The following CACNA1I variants were observed in gnomAD, a reference collection of about 807,000 sequenced individuals.
CACNA1I encodes the protein voltage-dependent T-type calcium channel subunit alpha-1I.
In CACNA1I, 74 loss-of-function variants were observed where a neutral mutation model predicts 201.6. The ratio of observed to expected loss-of-function variants is 0.37; its 90% CI spans 0.30 to 0.45. The LOEUF is 0.45. Among genes scored for constraint, CACNA1I ranks in the 20% least tolerant of loss-of-function variants. The probability of loss-of-function intolerance (pLI) is 1.00; values close to 1 mark genes in which losing one functional copy is unlikely to be tolerated. For missense variants in CACNA1I, 2,346 were observed against 3,138.1 expected (o/e 0.75, Z 6.03); for synonymous variants, 1,431 against 1,345.2 (o/e 1.06, Z -1.40).
In CACNA1I at chr22:39,659,322, TG is replaced by T. The variant is rs1320961914; in HGVS notation, c.2331-110del. 2.7e-5 allele frequency: 25 copies of T among 939,854 alleles called. No individual in the cohort carries two copies. In the African/African-American group the frequency reaches 3.7e-4, roughly 14 times the overall value. 58.2% of individuals were successfully genotyped at this position (939,854 alleles called of 1,614,324 possible). ...CATCTCTGTAAAATGGGACCAACGCTGCCCCGCCTCCCCCTGCCCTGCATTT... is the reference window on the plus strand; with the variant it reads ...CATCTCTGTAAAATGGGACCAACGCTCCCCGCCTCCCCCTGCCCTGCATTT... On this transcript the variant is annotated intron_variant, in intron 12 of 36. Transcript: ENST00000402142. The surrounding 1 kb of genome is among the most constrained non-coding windows in gnomAD (Gnocchi z 4.3).
rs1441851351 is a variant in CACNA1I, at chr22:39,662,361, A to G, written c.3298A>G (p.Ser1100Gly). 4.7e-6 allele frequency: 7 copies of G among 1,485,082 alleles called. No individual in the cohort carries two copies. The highest frequency in any genetic ancestry group is 6.2e-6 in the Non-Finnish European group (7 of 1,125,330). 92.0% of individuals were successfully genotyped at this position (1,485,082 alleles called of 1,614,324 possible). The change falls in exon 17 of 37, where the codon AGC becomes GGC. Residue 1100 changes from serine to glycine, a missense_variant. Transcript: ENST00000402142. ...GHEDCNGRMP[S>G]IAKDVFTKMG... is the part of the protein sequence containing the mutation. Reference sequence around the variant, plus strand: ...TGAGGACTGCAATGGCAGGATGCCCAGCATCGCCAAAGACGTCTTCACCAA... The same window carrying G: ...TGAGGACTGCAATGGCAGGATGCCCGGCATCGCCAAAGACGTCTTCACCAA...
At chr22:39,571,406 G>GA (rs1569041405) in intron 1 of CACNA1I, among the ~76,000 whole-genome samples, 1 of 151,896 alleles carries the variant, frequency 6.6e-6, no homozygotes, top group Admixed American at 6.6e-5. Flanking sequence ...CAACACACAG[G>GA]GCAGGACTCA....
chr22:39,647,494 C>T (rs1033595660), intron 8 of CACNA1I, among the ~76,000 whole-genome samples: 8 of 152,244 alleles, frequency 5.3e-5, no homozygotes, highest in African/African-American at 1.9e-4. Context: ...TTACTGCAAC[C>T]TCAAACTCCT....
intron 3 of CACNA1I, among the ~76,000 whole-genome samples, chr22:39,601,994 TTCCTTCCCTCCTTCCTTCCTTCCC>T (rs1569056837): frequency 1.9e-4 from 2 of 10,362 alleles, no homozygotes. Context: ...CCTTCCTTCC[TTCCTTCCCTCCTTCCTTCCTTCCC>T]TCCTTCCTTC....
chr22:39,657,813 G>A (rs1934871552), intron 10 of CACNA1I, among the ~76,000 whole-genome samples: 1 of 152,240 alleles, frequency 6.6e-6, no homozygotes. Context: ...TCTTAGCCGT[G>A]TGACCTCAGG....
At chr22:39,608,123 A>C (rs2146379314) in intron 3 of CACNA1I, among the ~76,000 whole-genome samples, 2 of 151,558 alleles carry the variant, frequency 1.3e-5, no homozygotes, top group East Asian at 3.9e-4. Flanking sequence ...CTCCAAAAAA[A>C]AAAAAAAAAA....
In CACNA1I at chr22:39,598,239, T is replaced by TCCGA; in HGVS notation, c.329_332dup (p.Cys112ProfsTer9). Reference sequence around the variant, plus strand: ...GCCGTGCGACGACATGGACTGCCTGTCCGACCGCTGCAAGATCCTGCAGGT... The same window carrying TCCGA: ...GCCGTGCGACGACATGGACTGCCTGTCCGACCGACCGCTGCAAGATCCTGCAGGT... On this transcript the variant is annotated frameshift_variant, in exon 2 of 37. Coordinates refer to ENST00000402142, the MANE Select transcript of CACNA1I (RefSeq NM_021096.4). LOFTEE classifies it high-confidence loss of function. 1 of 1,601,658 alleles carries TCCGA rather than the reference T, an allele frequency of 6.2e-7. No individual in the cohort carries two copies. The highest frequency in any genetic ancestry group is 8.5e-7 in the Non-Finnish European group (1 of 1,174,968).
rs1935149738 is a variant in CACNA1I at position 39,665,221 on chromosome 22, G to A, written c.3852-277G>A. Among the ~76,000 whole-genome samples, 1 of 152,170 alleles carries A rather than the reference G, an allele frequency of 6.6e-6. No homozygotes were observed. The highest frequency in any genetic ancestry group is 2.4e-5 in the African/African-American group (1 of 41,436). ...GACCAGGGTGTGGTGTGGACCCCGAGGAGCTGGGCACAGTGAGGGGTGAGG... is the reference window on the plus strand; with the variant it reads ...GACCAGGGTGTGGTGTGGACCCCGAAGAGCTGGGCACAGTGAGGGGTGAGG... On this transcript the variant is annotated intron_variant, in intron 21 of 36. Transcript: ENST00000402142. This position sits in a 1 kb window ranked among gnomAD's most constrained non-coding sequence, Gnocchi z 5.5.
Position 39,678,045 on chromosome 22 carries a change from C to T in CACNA1I, c.4992C>T (p.Phe1664=), listed in dbSNP as rs751496987. 50 of 1,607,056 alleles carry T rather than the reference C, an allele frequency of 3.1e-5. No individual in the cohort carries two copies. In the Middle Eastern group the frequency reaches 1.6e-3, roughly 53 times the overall value. ...GCCGGCATGCCACCTTCGAGAACTT[C>T]GGCATGGCCTTCCTCACACTCTTCC... ...GMSRHATFEN[F]GMAFLTLFQV... The change falls in exon 31 of 37, where the codon TTC becomes TTT. Residue 1664 remains phenylalanine, a synonymous_variant. Coordinates refer to ENST00000402142, the MANE Select transcript of CACNA1I (RefSeq NM_021096.4).
At chr22:39,668,471 A>G in intron 24 of CACNA1I, 90 bp downstream of exon 24, 2 of 788,574 alleles carry the variant, frequency 2.5e-6, no homozygotes, top group Non-Finnish European at 4.4e-6. Context: ...AACTGGTGCC[A>G]ATGAGTTCCA....
intron 3 of CACNA1I, among the ~76,000 whole-genome samples, chr22:39,614,374 G>C (rs922338195): frequency 6.6e-6 from 1 of 152,228 alleles, no homozygotes; most frequent in Non-Finnish European, 1.5e-5. Flanking sequence ...GGGGAGAGCA[G>C]AGGGTAGGTC....
chr22:39,598,090 G>A (rs1234865882), intron 1 of CACNA1I, 61 bp from the exon 2 acceptor site: 2 of 951,316 alleles, frequency 2.1e-6, no homozygotes, highest in East Asian at 5.2e-5. Flanking sequence ...TACACTCTAG[G>A]GTGCACCCCA....
intron 1 of CACNA1I, among the ~76,000 whole-genome samples, chr22:39,593,139 C>G (rs1932841591): frequency 6.6e-6 from 1 of 152,188 alleles, no homozygotes; most frequent in African/African-American, 2.4e-5. Flanking sequence ...CTGCGGGGAC[C>G]CAGTGCAGTG....
In CACNA1I at chr22:39,686,266, C is replaced by T; in HGVS notation, c.6533C>T (p.Pro2178Leu). ...AALAHGLARS[P>L]SWAADRSKDP... ...CTGGCCCACGGCCTGGCCCGGAGCCCCTCGTGGGCCGCGGACCGCAGCAAG... is the reference window on the plus strand; with the variant it reads ...CTGGCCCACGGCCTGGCCCGGAGCCTCTCGTGGGCCGCGGACCGCAGCAAG... The change falls in exon 37 of 37, where the codon CCC (proline) becomes CTC (leucine). Residue 2178 changes from proline to leucine, a missense_variant. Transcript: ENST00000402142. The T allele has an allele frequency of 7.7e-7, 1 of 1,295,378 alleles. No homozygotes were observed. Among genetic ancestry groups the T allele is most frequent in the Non-Finnish European group, 9.8e-7 (1 of 1,019,754 alleles). 80.2% of individuals were successfully genotyped at this position (1,295,378 alleles called of 1,614,324 possible).
chr22:39,672,905 T>A (rs372658627), intron 27 of CACNA1I, 44 bp from the exon 28 acceptor site: 1 of 1,581,186 alleles, frequency 6.3e-7, no homozygotes, highest in African/African-American at 1.3e-5. Flanking sequence ...ACCAGAGGGA[T>A]CCTCCTCATG....
chr22:39,662,318 A>G lies in CACNA1I; in HGVS notation c.3255A>G (p.Ala1085=), dbSNP rs1601510712. 1 of 1,479,608 alleles carries G rather than the reference A, an allele frequency of 6.8e-7. No homozygotes were observed. The highest frequency in any genetic ancestry group is 1.5e-5 in the African/African-American group (1 of 67,616). 91.7% of individuals were successfully genotyped at this position (1,479,608 alleles called of 1,614,324 possible). A position where few individuals can be genotyped will look rare whatever the true frequency, so the allele number is the denominator to read the frequency against. Residue 1085 remains alanine, a synonymous_variant, in exon 17 of 37, where the codon GCA becomes GCG. Coordinates refer to ENST00000402142, the MANE Select transcript of CACNA1I (RefSeq NM_021096.4). ...GAHPRAAWRA[A]GPAPGHEDCN... is the part of the protein sequence containing the mutation. Reference sequence around the variant, plus strand: ...ACCCCCGGGCCGCCTGGAGGGCGGCAGGCCCGGCCCCCGGGCATGAGGACT... The same window carrying G: ...ACCCCCGGGCCGCCTGGAGGGCGGCGGGCCCGGCCCCCGGGCATGAGGACT...
intron 4 of CACNA1I, 117 bp downstream of exon 4, chr22:39,619,524 C>T (rs1321126355): frequency 5.5e-6 from 4 of 724,214 alleles, no homozygotes; most frequent in Middle Eastern, 6.9e-4. Flanking sequence ...TTGGAGAAGA[C>T]TGATTAGGGC....
At chr22:39,635,493 T>G (rs1375628079) in intron 5 of CACNA1I, among the ~76,000 whole-genome samples, 1 of 152,168 alleles carries the variant, frequency 6.6e-6, no homozygotes, top group East Asian at 1.9e-4. Flanking sequence ...GAGGGCTAGT[T>G]TCTCCCTCCC....
chr22:39,662,132 C>T lies in CACNA1I; in HGVS notation c.3069C>T (p.Asp1023=). The change falls in exon 17 of 37, where the codon GAC becomes GAT. Residue 1023 remains aspartate (D), a synonymous_variant. Coordinates refer to ENST00000402142, the MANE Select transcript of CACNA1I (RefSeq NM_021096.4). ...CCCGGGTCTGCGAGGTTGCCGCGGA[C>T]GAGGGGCCGCCGCGGGCCGCACCCC... ...GGARVCEVAA[D]EGPPRAAPLH... 1 of 1,525,758 alleles carries T rather than the reference C, an allele frequency of 6.6e-7. No individual in the cohort carries two copies. The highest frequency in any genetic ancestry group is 8.8e-7 in the Non-Finnish European group (1 of 1,140,556). 94.5% of individuals were successfully genotyped at this position (1,525,758 alleles called of 1,614,324 possible). A position where few individuals can be genotyped will look rare whatever the true frequency, so the allele number is the denominator to read the frequency against.
Sources: allele counts gnomAD v4.1 joint callset (sites outside exome capture counted in the v4.1 genomes callset), GRCh38; gene constraint gnomAD v4.1.1; non-coding constraint Gnocchi (gnomAD v3.1); transcripts MANE v1.5; gene names NCBI Gene and HGNC (gene_info 2026-07-23, HGNC 2026-07-21).